The following RUNX1 variants were observed in gnomAD, a reference collection of about 807,000 sequenced individuals.
RUNX1 encodes RUNX family transcription factor 1.
RUNX1 carries 19 observed loss-of-function variants against 42.8 expected under a neutral mutation model. The observed-to-expected ratio is 0.44, with a 90% CI of 0.31 to 0.65. The LOEUF is 0.65. Among genes scored for constraint, RUNX1 ranks in the 30% least tolerant of loss-of-function variants. The pLI, the probability that RUNX1 is intolerant of heterozygous loss-of-function variation, is 0.07. For missense variants in RUNX1, 528 were observed against 672.0 expected (o/e 0.79, Z 2.37); for synonymous variants, 271 against 289.4 (o/e 0.94, Z 0.64).
chr21:34,817,093 AG>A (rs2056837075), intron 7 of RUNX1, among the ~76,000 whole-genome samples: 1 of 152,216 alleles, frequency 6.6e-6, no homozygotes, highest in Non-Finnish European at 1.5e-5. Flanking sequence ...GAACCTATGC[AG>A]TGCAGTCCCT....
At position 34,953,587 on chromosome 21, in the gene RUNX1, T is replaced by C. The variant is rs143604742; in HGVS notation, c.59-60624A>G. Among the ~76,000 whole-genome samples, 284 of 152,346 alleles carry C rather than the reference T, an allele frequency of 1.9e-3. 4 individuals carry two copies. The highest frequency in any genetic ancestry group is 6.5e-3 in the African/African-American group (272 of 41,578). ...ACATAGTGGAGCTGCCCAGTCAGCC[T>C]TGGGCTACTTACAACTGGAATTACC... On this transcript the variant is annotated intron_variant, in intron 2 of 8. Transcript: ENST00000675419.
intron 2 of RUNX1, among the ~76,000 whole-genome samples, chr21:34,969,961 A>T (rs1336815741): frequency 1.3e-5 from 2 of 152,198 alleles, no homozygotes; most frequent in African/African-American, 2.4e-5. Flanking sequence ...GGATTTTGAC[A>T]TTTCTTGCAG....
At chr21:35,046,004 G>T (rs1245941713) in intron 2 of RUNX1, among the ~76,000 whole-genome samples, 1 of 152,158 alleles carries the variant, frequency 6.6e-6, no homozygotes, top group African/African-American at 2.4e-5. Flanking sequence ...GCAAAAATAT[G>T]TACGTGCCGA....
chr21:34,950,976 C>T (rs1601602051), intron 2 of RUNX1, among the ~76,000 whole-genome samples: 1 of 152,184 alleles, frequency 6.6e-6, no homozygotes, highest in Non-Finnish European at 1.5e-5. Context: ...GATTGCAGTG[C>T]TACTGATGTA....
At chr21:34,808,683 C>T (rs747304024) in intron 7 of RUNX1, among the ~76,000 whole-genome samples, 53 of 152,128 alleles carry the variant, frequency 3.5e-4, no homozygotes, top group Admixed American at 7.2e-4. Context: ...GCTCTATAAA[C>T]GCAAAATGCA....
chr21:34,873,671 T>C (rs773622892), intron 5 of RUNX1, among the ~76,000 whole-genome samples: 2 of 152,180 alleles, frequency 1.3e-5, no homozygotes, highest in Non-Finnish European at 1.5e-5. Flanking sequence ...GAACGTTCGG[T>C]GATGTCAAAT....
chr21:34,953,795 A>C (rs2058625826), intron 2 of RUNX1, among the ~76,000 whole-genome samples: 1 of 152,214 alleles, frequency 6.6e-6, no homozygotes, highest in African/African-American at 2.4e-5. Flanking sequence ...TGATCTAATG[A>C]AAACATAAAC....
chr21:34,943,326 A>C lies in RUNX1; in HGVS notation c.59-50363T>G, dbSNP rs1450220670. Among the ~76,000 whole-genome samples the C allele has an allele frequency of 2.0e-5, 3 of 152,266 alleles. No individual in the cohort carries two copies. In the East Asian group the frequency reaches 5.8e-4, roughly 29 times the overall value. ...CCCCTTTAACTTCTTTGCTGTCTTT[A>C]CCAGATGTACCCATCCAGGCTCCAA... On this transcript the variant is annotated intron_variant, in intron 2 of 8. Transcript: ENST00000675419.
Position 34,978,937 on chromosome 21 carries a change from T to TATACACACACACACAC in RUNX1, c.58+69904_58+69905insGTGTGTGTGTGTGTAT, listed in dbSNP as rs71319521. ...TTCTCAGACAAAACACACACACAGA[T>TATACACACACACACAC]ACACACACACACACACACACACACA... On this transcript the variant is annotated intron_variant, in intron 2 of 8. Transcript: ENST00000675419. Among the ~76,000 whole-genome samples, 10 of 134,148 alleles carry TATACACACACACACAC rather than the reference T, an allele frequency of 7.5e-5. No individual in the cohort carries two copies. In the East Asian group the frequency reaches 1.7e-3, roughly 23 times the overall value. The allele number at this position is 134,148 out of a possible 152,430, so 88.0% of individuals were successfully genotyped here.
intron 2 of RUNX1, among the ~76,000 whole-genome samples, chr21:34,968,657 C>A (rs779779065): frequency 6.6e-5 from 10 of 151,948 alleles, no homozygotes; most frequent in Non-Finnish European, 1.3e-4. Context: ...CTGCCAGGCA[C>A]CCCCTCCCCA....
At chr21:34,990,124 C>T (rs750206717) in intron 2 of RUNX1, among the ~76,000 whole-genome samples, 5 of 152,212 alleles carry the variant, frequency 3.3e-5, no homozygotes, top group Non-Finnish European at 7.3e-5. Context: ...TGTGCTGCTG[C>T]ACTGAGCTGC....
At chr21:34,868,312 C>G (rs569370047) in intron 5 of RUNX1, among the ~76,000 whole-genome samples, 2 of 152,112 alleles carry the variant, frequency 1.3e-5, no homozygotes, top group Non-Finnish European at 2.9e-5. Flanking sequence ...CCCCACGCAC[C>G]CTCCAAATGT....
chr21:34,809,929 G>A (rs2056736583), intron 7 of RUNX1, among the ~76,000 whole-genome samples: 1 of 152,198 alleles, frequency 6.6e-6, no homozygotes, highest in South Asian at 2.1e-4. Context: ...CGATGCTTTT[G>A]AGCCCAGCTC....
intron 6 of RUNX1, among the ~76,000 whole-genome samples, chr21:34,839,378 A>G (rs1384049451): frequency 6.6e-6 from 1 of 152,006 alleles, no homozygotes; most frequent in Non-Finnish European, 1.5e-5. Context: ...ATGTACACTC[A>G]GTGTGCCTAG....
At chr21:34,802,727 A>G (rs1339789157) in intron 7 of RUNX1, among the ~76,000 whole-genome samples, 1 of 152,184 alleles carries the variant, frequency 6.6e-6, no homozygotes, top group African/African-American at 2.4e-5. Flanking sequence ...TATCTATTAC[A>G]TGCTTATGTT....
chr21:34,981,101 G>A (rs942915237), intron 2 of RUNX1, among the ~76,000 whole-genome samples: 1 of 152,212 alleles, frequency 6.6e-6, no homozygotes, highest in Admixed American at 6.5e-5. Flanking sequence ...GAGAAGACAA[G>A]TCTGTGGAAG....
chr21:34,964,785 C>T (rs1249626179), intron 2 of RUNX1, among the ~76,000 whole-genome samples: 1 of 152,196 alleles, frequency 6.6e-6, no homozygotes, highest in Non-Finnish European at 1.5e-5. Flanking sequence ...GCTTCCTCAC[C>T]TGCGCATTGA....
chr21:34,824,385 T>C (rs900232281), intron 7 of RUNX1, among the ~76,000 whole-genome samples: 2 of 152,214 alleles, frequency 1.3e-5, no homozygotes, highest in Admixed American at 1.3e-4. Flanking sequence ...TCTATTATTA[T>C]TTTGCTTTAT....
At chr21:34,982,040 G>A (rs976953905) in intron 2 of RUNX1, among the ~76,000 whole-genome samples, 8 of 152,206 alleles carry the variant, frequency 5.3e-5, no homozygotes, top group African/African-American at 9.6e-5. Flanking sequence ...GGGCACATTC[G>A]TTAGTACATG....
Sources: gnomAD v4.1 joint callset for allele counts (sites outside exome capture counted in the v4.1 genomes callset) on GRCh38, gnomAD v4.1.1 for gene constraint, MANE v1.5 for transcripts, NCBI Gene and HGNC (gene_info 2026-07-23, HGNC 2026-07-21) for gene names.